Variants in PLEKHG4B observed in about 807,000 individuals in gnomAD.
PLEKHG4B encodes pleckstrin homology and RhoGEF domain containing G4B.
Under a neutral mutation model 121.3 loss-of-function variants are expected in PLEKHG4B, and 111 were observed. The ratio of observed to expected loss-of-function variants is 0.92; its 90% CI spans 0.78 to 1.07. The LOEUF is 1.07. PLEKHG4B is among the 50% of genes least tolerant of loss of function. The pLI, the probability that PLEKHG4B is intolerant of heterozygous loss-of-function variation, is 0.00. For synonymous variants in PLEKHG4B, 738 were observed against 725.0 expected (o/e 1.02, Z -0.29); for missense variants, 1,831 against 1,757.8 (o/e 1.04, Z -0.74).
rs3853521 is a variant in PLEKHG4B, at chr5:157,635, C to T, written c.2487+724C>T. ...GCACCAGCGAAATGATTGCTTAGCTCAGGGGTGCAGATGATGCTGCTGCCT... is the reference window on the plus strand; with the variant it reads ...GCACCAGCGAAATGATTGCTTAGCTTAGGGGTGCAGATGATGCTGCTGCCT... On this transcript the variant is annotated intron_variant, in intron 11 of 19. Transcript: ENST00000637938. The surrounding 1 kb of genome is among the most constrained non-coding windows in gnomAD (Gnocchi z 4.6). Among the ~76,000 whole-genome samples, 28,339 of 152,110 alleles carry T rather than the reference C, an allele frequency of 0.19. 3,629 individuals carry two copies. Among genetic ancestry groups the T allele is most frequent in the African/African-American group, 0.36 (14,932 of 41,474 alleles).
In PLEKHG4B at chr5:156,314, C is replaced by G. The variant is rs1735780988; in HGVS notation, c.2348+104C>G. 1 of 1,199,832 alleles carries G rather than the reference C, an allele frequency of 8.3e-7. No individual in the cohort carries two copies. The highest frequency in any genetic ancestry group is 1.6e-5 in the African/African-American group (1 of 62,866). 74.3% of individuals were successfully genotyped at this position (1,199,832 alleles called of 1,614,324 possible). On this transcript the variant is annotated intron_variant, in intron 10 of 19. Transcript: ENST00000637938. The surrounding 1 kb of genome is among the most constrained non-coding windows in gnomAD (Gnocchi z 4.4). Reference sequence around the variant, plus strand: ...CGCTCTGCTCCAAGGAGAGCCCCCTCTGTGCTTGGTCCAGACCTCCATTCT... The same window carrying G: ...CGCTCTGCTCCAAGGAGAGCCCCCTGTGTGCTTGGTCCAGACCTCCATTCT...
intron 1 of PLEKHG4B, among the ~76,000 whole-genome samples, chr5:93,840 GC>G (rs1185240528): frequency 6.6e-6 from 1 of 152,120 alleles, no homozygotes; most frequent in Non-Finnish European, 1.5e-5. Flanking sequence ...TTGCCCCAAG[GC>G]TCCCTGAGAC....
chr5:163,116 G>GAGC lies in PLEKHG4B; in HGVS notation c.3045_3047dup (p.Ala1016dup). On this transcript the variant is annotated inframe_insertion, in exon 13 of 20. Coordinates refer to ENST00000637938, the MANE Select transcript of PLEKHG4B (RefSeq NM_052909.5). Reference sequence around the variant, plus strand: ...CAACCACTGTCCGGCCTCCCTGGACGAGCGCTTCTGTGTGGACAGGACGGG... The same window carrying GAGC: ...CAACCACTGTCCGGCCTCCCTGGACGAGCAGCGCTTCTGTGTGGACAGGACGGG... 1 of 1,563,752 alleles carries GAGC rather than the reference G, an allele frequency of 6.4e-7. No homozygotes were observed. Among genetic ancestry groups the GAGC allele is most frequent in the Non-Finnish European group, 8.7e-7 (1 of 1,154,620 alleles).
chr5:143,525 C>T (rs539924612), intron 5 of PLEKHG4B, 22 bp downstream of exon 5: 217 of 1,611,658 alleles, frequency 1.3e-4, no homozygotes, highest in Admixed American at 2.3e-4. Flanking sequence ...GGCAAGGCCG[C>T]ACCCTGCAGA....
chr5:133,913 G>GACACACACACACACACACAC (rs745898348), intron 2 of PLEKHG4B, among the ~76,000 whole-genome samples: 1 of 135,578 alleles, frequency 7.4e-6, no homozygotes, highest in African/African-American at 3.0e-5. Flanking sequence ...AAGAAAATGT[G>GACACACACACACACACACAC]ACACACACGC....
chr5:163,464 GC>G lies in PLEKHG4B; in HGVS notation c.3398del (p.Pro1133ArgfsTer30), dbSNP rs746346365. On this transcript the variant is annotated frameshift_variant, in exon 13 of 20. Coordinates refer to ENST00000637938, the MANE Select transcript of PLEKHG4B (RefSeq NM_052909.5). LOFTEE classifies it high-confidence loss of function. ...CTCCCGCTGTGGCAGCATGCCAGGA[GC>G]CCCCCGGTCACTCAGAGCCGGAGTC... ...KKLPLWQHAR[S>X]PPVTQSRSLS... 1.9e-6 allele frequency: 3 copies of G among 1,612,720 alleles called. No homozygotes were observed. The highest frequency in any genetic ancestry group is 1.1e-5 in the South Asian group (1 of 91,084).
At chr5:102,838 G>A (rs952233446) in intron 1 of PLEKHG4B, among the ~76,000 whole-genome samples, 7 of 152,304 alleles carry the variant, frequency 4.6e-5, no homozygotes, top group South Asian at 2.1e-4. Context: ...GGGTGCTCAC[G>A]GATTTGGGGC....
chr5:99,179 TA>T (rs1733724792), intron 1 of PLEKHG4B, among the ~76,000 whole-genome samples: 3 of 21,750 alleles, frequency 1.4e-4, no homozygotes, highest in African/African-American at 3.8e-4. Flanking sequence ...TGTATATATA[TA>T]TATATATATA....
intron 1 of PLEKHG4B, among the ~76,000 whole-genome samples, chr5:103,988 C>T (rs1344625098): frequency 6.6e-6 from 1 of 152,222 alleles, no homozygotes; most frequent in East Asian, 1.9e-4. Flanking sequence ...GCTTATTTCA[C>T]CAAACCACAG....
intron 1 of PLEKHG4B, among the ~76,000 whole-genome samples, chr5:99,961 C>G (rs556198915): frequency 6.6e-6 from 1 of 152,182 alleles, no homozygotes; most frequent in South Asian, 2.1e-4. Flanking sequence ...GATGCCTGTT[C>G]TGTGTCACTT....
At chr5:101,609 G>A (rs371357151) in intron 1 of PLEKHG4B, among the ~76,000 whole-genome samples, 1,315 of 81,788 alleles carry the variant, frequency 0.016, 16 homozygotes, top group African/African-American at 0.028. Flanking sequence ...AAAGCCCTGG[G>A]AAAAGTCTGT....
At chr5:93,750 C>T (rs1013697703) in intron 1 of PLEKHG4B, among the ~76,000 whole-genome samples, 2 of 152,176 alleles carry the variant, frequency 1.3e-5, no homozygotes, top group African/African-American at 4.8e-5. Flanking sequence ...CACTGGCTAG[C>T]TCTCAAGCTG....
At chr5:127,152 C>G (rs1271615540) in intron 2 of PLEKHG4B, among the ~76,000 whole-genome samples, 1 of 152,108 alleles carries the variant, frequency 6.6e-6, no homozygotes, top group African/African-American at 2.4e-5. Context: ...CAGCATTCAC[C>G]TGTATGAGCT....
At chr5:175,394 C>G (rs1736729391) in intron 18 of PLEKHG4B, among the ~76,000 whole-genome samples, 1 of 152,146 alleles carries the variant, frequency 6.6e-6, no homozygotes, top group South Asian at 2.1e-4. Context: ...ACCACCTTCA[C>G]AGCAACCACC....
Position 173,004 on chromosome 5 carries a change from G to T in PLEKHG4B, c.4158G>T (p.Leu1386=). The change falls in exon 17 of 20, where the codon CTG becomes CTT. Residue 1386 remains leucine, a synonymous_variant. Coordinates refer to ENST00000637938, the MANE Select transcript of PLEKHG4B (RefSeq NM_052909.5). Reference sequence around the variant, plus strand: ...TGTTCCTCTTTGAAGACCTCATCCTGTTTAGCAAGACCCAGAAGGTGGAGG... The same window carrying T: ...TGTTCCTCTTTGAAGACCTCATCCTTTTTAGCAAGACCCAGAAGGTGGAGG... ...RHVFLFEDLI[L]FSKTQKVEGS... is the part of the protein sequence containing the mutation. 6.2e-7 allele frequency: 1 copy of T among 1,614,162 alleles called. No homozygotes were observed. The highest frequency in any genetic ancestry group is 8.5e-7 in the Non-Finnish European group (1 of 1,180,022).
intron 5 of PLEKHG4B, chr5:144,313 G>A (rs955862023): frequency 1.3e-5 from 2 of 152,360 alleles, no homozygotes; most frequent in African/African-American, 4.8e-5. Context: ...TTTTAAATTG[G>A]AGTTTTCAAA....
In PLEKHG4B at chr5:159,508, C is replaced by T. The variant is rs1219520700; in HGVS notation, c.2488-2275C>T. On this transcript the variant is annotated intron_variant, in intron 11 of 19. Coordinates refer to ENST00000637938, the MANE Select transcript of PLEKHG4B (RefSeq NM_052909.5). The surrounding 1 kb of genome is among the most constrained non-coding windows in gnomAD (Gnocchi z 5.5). Reference sequence around the variant, plus strand: ...GATTTTTCTCAGCTTTACCCTCTAACTCTATTATTGAGTTTTTTGTTTCTG... The same window carrying T: ...GATTTTTCTCAGCTTTACCCTCTAATTCTATTATTGAGTTTTTTGTTTCTG... 2.6e-5 allele frequency among the ~76,000 whole-genome samples: 4 copies of T among 152,138 alleles called. No individual in the cohort carries two copies. The highest frequency in any genetic ancestry group is 2.0e-4 in the Admixed American group (3 of 15,286).
Position 97,297 on chromosome 5 carries a change from C to T in PLEKHG4B, c.45+5021C>T, listed in dbSNP as rs112260283. On this transcript the variant is annotated intron_variant, in intron 1 of 19. Coordinates refer to ENST00000637938, the MANE Select transcript of PLEKHG4B (RefSeq NM_052909.5). ...CTTACCTGTCATTCAGGCTCCAGAT[C>T]GTTTTCCTCATTCCAAAGTCAAAAC... 1.2e-4 allele frequency among the ~76,000 whole-genome samples: 16 copies of T among 133,494 alleles called. No individual in the cohort carries two copies. In the South Asian group the frequency reaches 1.3e-3, roughly 11 times the overall value. The allele number at this position is 133,494 out of a possible 152,430, so 87.6% of individuals were successfully genotyped here.
At chr5:93,998 G>A (rs180729289) in intron 1 of PLEKHG4B, among the ~76,000 whole-genome samples, 3 of 152,112 alleles carry the variant, frequency 2.0e-5, no homozygotes, top group Non-Finnish European at 4.4e-5. Flanking sequence ...CTCTCTTTGC[G>A]TTTGAACAAA....
Sources: allele counts gnomAD v4.1 joint callset (sites outside exome capture counted in the v4.1 genomes callset), GRCh38; gene constraint gnomAD v4.1.1; non-coding constraint Gnocchi (gnomAD v3.1); transcripts MANE v1.5; gene names NCBI Gene and HGNC (gene_info 2026-07-23, HGNC 2026-07-21).